RANBP17: variants seen among roughly 807,000 people sequenced by gnomAD.
RANBP17 encodes the protein RAN binding protein 17.
RANBP17 carries 158 observed loss-of-function variants against 141.2 expected under a neutral mutation model. The ratio of observed to expected loss-of-function variants is 1.12; its 90% CI spans 0.98 to 1.28. The LOEUF (loss-of-function observed/expected upper bound fraction) is 1.28. Ranked by LOEUF, RANBP17 falls within the 50% of genes most tolerant of loss-of-function variation. The probability of loss-of-function intolerance (pLI) is 0.00; values close to 1 mark genes in which losing one functional copy is unlikely to be tolerated. For missense variants in RANBP17, 1,438 were observed against 1,290.7 expected (o/e 1.11, Z -1.75); for synonymous variants, 430 against 450.0 (o/e 0.96, Z 0.56).
intron 14 of RANBP17, among the ~76,000 whole-genome samples, chr5:171,148,291 C>T (rs905218759): frequency 9.9e-5 from 15 of 152,252 alleles, no homozygotes; most frequent in Admixed American, 9.8e-4. Flanking sequence ...AACCAGAGAC[C>T]TTTGTTCACT....
At chr5:171,075,997 T>C (rs1261726334) in intron 14 of RANBP17, among the ~76,000 whole-genome samples, 1 of 152,062 alleles carries the variant, frequency 6.6e-6, no homozygotes, top group East Asian at 1.9e-4. Context: ...GGGACTTATA[T>C]GGTATGTGGA....
At chr5:171,100,991 G>A (rs1466743881) in intron 14 of RANBP17, among the ~76,000 whole-genome samples, 2 of 152,068 alleles carry the variant, frequency 1.3e-5, no homozygotes, top group African/African-American at 4.8e-5. Flanking sequence ...CTGTTCTTTT[G>A]CATTTGCTGA....
At chr5:170,866,670 A>G (rs906940889) in intron 1 of RANBP17, among the ~76,000 whole-genome samples, 2 of 151,616 alleles carry the variant, frequency 1.3e-5, no homozygotes, top group Admixed American at 1.3e-4. Context: ...GCGAGACTCC[A>G]TCTCAACAAA....
rs1296645425 is a variant in RANBP17 at position 171,088,032 on chromosome 5, G to A, written c.1711-82098G>A. Among the ~76,000 whole-genome samples the A allele has an allele frequency of 1.1e-4, 16 of 151,200 alleles. No homozygotes were observed. In the South Asian group the frequency reaches 1.1e-3, roughly 10 times the overall value. Reference sequence around the variant, plus strand: ...ATGATGTTAGCTGGTGATTTTGCTCGTTAGTTGATGCAGTTTCTTCCTAGT... The same window carrying A: ...ATGATGTTAGCTGGTGATTTTGCTCATTAGTTGATGCAGTTTCTTCCTAGT... On this transcript the variant is annotated intron_variant, in intron 14 of 27. Transcript: ENST00000523189.
rs539982220 is a variant in RANBP17 at position 171,184,221 on chromosome 5, G to A, written c.2038+791G>A. 1.6e-4 allele frequency among the ~76,000 whole-genome samples: 25 copies of A among 152,198 alleles called. No homozygotes were observed. In the South Asian group the frequency reaches 1.7e-3, roughly 10 times the overall value. On this transcript the variant is annotated intron_variant, in intron 18 of 27. Coordinates refer to ENST00000523189, the MANE Select transcript of RANBP17 (RefSeq NM_022897.5). ...GTTATTCACAATAGCCAGGATATAC[G>A]GAATCAACCTAAGTGTCCATCCACA...
chr5:170,958,018 G>C (rs1434647696), intron 13 of RANBP17, among the ~76,000 whole-genome samples: 2 of 152,152 alleles, frequency 1.3e-5, no homozygotes, highest in African/African-American at 2.4e-5. Context: ...CATGAATAAT[G>C]AGAACCAACT....
At chr5:170,981,366 A>C (rs1484302640) in intron 14 of RANBP17, among the ~76,000 whole-genome samples, 1 of 152,116 alleles carries the variant, frequency 6.6e-6, no homozygotes, top group Non-Finnish European at 1.5e-5. Flanking sequence ...CAGGAGTGGA[A>C]TGATAGGGTT....
chr5:171,249,590 C>T (rs112079638), intron 24 of RANBP17, among the ~76,000 whole-genome samples: 13 of 152,068 alleles, frequency 8.5e-5, no homozygotes, highest in Non-Finnish European at 7.4e-5. Context: ...AATAGAAATT[C>T]TGGAACTGAA....
intron 25 of RANBP17, among the ~76,000 whole-genome samples, chr5:171,266,491 G>A (rs1766691796): frequency 2.6e-5 from 4 of 152,182 alleles, no homozygotes; most frequent in Admixed American, 2.0e-4. Context: ...GTAACGGCAT[G>A]CATAAGAAAT....
chr5:170,937,841 C>A (rs1178041370), intron 12 of RANBP17, among the ~76,000 whole-genome samples: 1 of 152,158 alleles, frequency 6.6e-6, no homozygotes, highest in African/African-American at 2.4e-5. Context: ...TATAAAATTA[C>A]ATTTAAAAAA....
chr5:171,275,900 GGTGTCA>G (rs1233069671), intron 25 of RANBP17, among the ~76,000 whole-genome samples: 1 of 152,156 alleles, frequency 6.6e-6, no homozygotes, highest in Non-Finnish European at 1.5e-5. Flanking sequence ...AAGGAGTGGA[GGTGTCA>G]GTCTAGGATG....
chr5:171,261,089 C>T (rs1179883136), intron 24 of RANBP17, among the ~76,000 whole-genome samples: 1 of 50,592 alleles, frequency 2.0e-5, no homozygotes, highest in Admixed American at 2.0e-4. Context: ...CCCACCCCCC[C>T]CAAAAAAAAA....
At position 171,277,702 on chromosome 5, in the gene RANBP17, A is replaced by G. The variant is rs534421152; in HGVS notation, c.2943+11855A>G. 3.0e-4 allele frequency among the ~76,000 whole-genome samples: 38 copies of G among 125,280 alleles called. 3 individuals carry two copies. The South Asian group carries it at 8.7e-3, about 29-fold the overall frequency. The allele number at this position is 125,280 out of a possible 152,430, so 82.2% of individuals were successfully genotyped here. A position where few individuals can be genotyped will look rare whatever the true frequency, so the allele number is the denominator to read the frequency against. On this transcript the variant is annotated intron_variant, in intron 25 of 27. Coordinates refer to ENST00000523189, the MANE Select transcript of RANBP17 (RefSeq NM_022897.5). ...TACAGCTCTGTGAGGTAGGTATTTT[A>G]TCTCCATTTTGTAATCAAAATATTG...
chr5:170,999,334 G>C (rs1180061908), intron 14 of RANBP17, among the ~76,000 whole-genome samples: 1 of 151,840 alleles, frequency 6.6e-6, no homozygotes, highest in Non-Finnish European at 1.5e-5. Flanking sequence ...TTTTTCAATT[G>C]GTATAAGCTG....
intron 14 of RANBP17, among the ~76,000 whole-genome samples, chr5:171,093,623 C>G (rs1786473640): frequency 1.3e-5 from 2 of 152,172 alleles, no homozygotes; most frequent in Non-Finnish European, 2.9e-5. Flanking sequence ...GACCTCTAAA[C>G]AGTTCTGTAT....
At chr5:170,877,785 A>G (rs1768311968) in intron 1 of RANBP17, among the ~76,000 whole-genome samples, 1 of 152,124 alleles carries the variant, frequency 6.6e-6, no homozygotes, top group Non-Finnish European at 1.5e-5. Context: ...TTAAAATCTG[A>G]TTCACTGTTG....
At chr5:170,901,064 T>G (rs1183250485) in intron 5 of RANBP17, among the ~76,000 whole-genome samples, 8 of 152,186 alleles carry the variant, frequency 5.3e-5, no homozygotes, top group African/African-American at 1.9e-4. Flanking sequence ...TGAATATCCT[T>G]GTTAATTTTC....
chr5:171,006,144 G>A (rs1470257244), intron 14 of RANBP17, among the ~76,000 whole-genome samples: 1 of 152,178 alleles, frequency 6.6e-6, no homozygotes, highest in Non-Finnish European at 1.5e-5. Context: ...TTACACTGTT[G>A]GTGGGACTGT....
At chr5:170,891,666 G>A (rs1372316317) in intron 3 of RANBP17, among the ~76,000 whole-genome samples, 2 of 152,110 alleles carry the variant, frequency 1.3e-5, no homozygotes, top group African/African-American at 4.8e-5. Flanking sequence ...TGGAGCAGGA[G>A]AAAGAGAGAA....
Sources: gnomAD v4.1 joint callset for allele counts (sites outside exome capture counted in the v4.1 genomes callset) on GRCh38, gnomAD v4.1.1 for gene constraint, MANE v1.5 for transcripts, NCBI Gene and HGNC (gene_info 2026-07-23, HGNC 2026-07-21) for gene names.